VRK2: variants seen among roughly 807,000 people sequenced by gnomAD.
VRK2 encodes the protein VRK serine/threonine kinase 2.
In VRK2, 60 loss-of-function variants were observed where a neutral mutation model predicts 57.6. That is an observed-to-expected ratio of 1.04 (90% CI 0.85 to 1.29). VRK2 has a LOEUF of 1.29. Ranked by LOEUF, VRK2 falls within the 50% of genes most tolerant of loss-of-function variation. The pLI, the probability that VRK2 is intolerant of heterozygous loss-of-function variation, is 0.00. For missense variants in VRK2, 705 were observed against 588.1 expected (o/e 1.20, Z -2.06); for synonymous variants, 231 against 199.2 (o/e 1.16, Z -1.35).
intron 2 of VRK2, among the ~76,000 whole-genome samples, chr2:58,069,485 C>T (rs1206179257): frequency 6.6e-6 from 1 of 152,152 alleles, no homozygotes; most frequent in Non-Finnish European, 1.5e-5. Context: ...TTTAGGTTCT[C>T]TGACCAGAAA....
At chr2:58,035,708 T>C (rs1468517988) in intron 3 of VRK2, among the ~76,000 whole-genome samples, 1 of 152,078 alleles carries the variant, frequency 6.6e-6, no homozygotes, top group Non-Finnish European at 1.5e-5. Flanking sequence ...AGCCTTCTTC[T>C]ATATAATTTG....
intron 1 of VRK2, 100 bp downstream of exon 1, chr2:58,046,968 A>G: frequency 1.0e-6 from 1 of 985,342 alleles, no homozygotes; most frequent in Non-Finnish European, 1.2e-6. Context: ...TCGGAGTTAG[A>G]TGCCGGGGAC....
chr2:58,022,603 C>T (rs189638950), intron 1 of VRK2, among the ~76,000 whole-genome samples: 17 of 152,292 alleles, frequency 1.1e-4, no homozygotes, highest in African/African-American at 2.9e-4. Context: ...GTGCTGCCCA[C>T]GATGGCTCAC....
intron 1 of VRK2, among the ~76,000 whole-genome samples, chr2:58,019,766 GA>G (rs1224812406): frequency 6.6e-6 from 1 of 152,076 alleles, no homozygotes; most frequent in Non-Finnish European, 1.5e-5. Context: ...TCAGAGTAAA[GA>G]GTAAATAAAT....
At chr2:58,030,026 C>T (rs1242780065) in intron 2 of VRK2, among the ~76,000 whole-genome samples, 2 of 152,088 alleles carry the variant, frequency 1.3e-5, no homozygotes, top group South Asian at 4.1e-4. Context: ...CTCAGTTTAG[C>T]CTCAGAGTCA....
At chr2:58,111,127 G>T (rs112502090) in intron 7 of VRK2, among the ~76,000 whole-genome samples, 1,715 of 152,264 alleles carry the variant, frequency 0.011, 22 homozygotes, top group South Asian at 0.035. Context: ...AAAATTAGTT[G>T]TTTATTGGAG....
chr2:58,089,893 A>T (rs1254174671), intron 7 of VRK2, among the ~76,000 whole-genome samples, 170 bp downstream of exon 7: 1 of 152,190 alleles, frequency 6.6e-6, no homozygotes, highest in East Asian at 1.9e-4. Flanking sequence ...ACTAATGAGT[A>T]ATTAGGATGA....
intron 1 of VRK2, among the ~76,000 whole-genome samples, chr2:58,024,271 C>T (rs1572794731): frequency 1.3e-5 from 2 of 152,220 alleles, no homozygotes; most frequent in Non-Finnish European, 1.5e-5. Flanking sequence ...TTCTGTGAAT[C>T]GGCCTTAGGT....
At chr2:57,919,727 A>AG in intron 1 of VRK2, among the ~76,000 whole-genome samples, 1 of 152,224 alleles carries the variant, frequency 6.6e-6, no homozygotes, top group East Asian at 1.9e-4. Context: ...GCAGGCAGCT[A>AG]GGGGCTACAG....
At chr2:58,054,190 T>A (rs1468205043) in intron 2 of VRK2, among the ~76,000 whole-genome samples, 1 of 152,126 alleles carries the variant, frequency 6.6e-6, no homozygotes, top group East Asian at 1.9e-4. Flanking sequence ...ACTTGGCTTT[T>A]GCTTGGCTTT....
At chr2:57,985,802 G>A (rs2104065352) in intron 1 of VRK2, among the ~76,000 whole-genome samples, 1 of 152,020 alleles carries the variant, frequency 6.6e-6, no homozygotes, top group East Asian at 1.9e-4. Context: ...TTATCATGTA[G>A]AAAATCCTAA....
intron 1 of VRK2, among the ~76,000 whole-genome samples, chr2:57,915,918 G>A (rs990955520): frequency 2.0e-5 from 3 of 152,088 alleles, no homozygotes; most frequent in African/African-American, 4.8e-5. Flanking sequence ...GTGGGATCTA[G>A]GTTGCACGCT....
chr2:58,048,666 A>G, intron 1 of VRK2, 161 bp from the exon 2 acceptor site: 1 of 1,507,168 alleles, frequency 6.6e-7, no homozygotes, highest in Non-Finnish European at 8.9e-7. Context: ...TTCTAATTTG[A>G]ATATAATGTG....
At chr2:58,141,198 C>T (rs572023005) in intron 11 of VRK2, among the ~76,000 whole-genome samples, 28 of 151,898 alleles carry the variant, frequency 1.8e-4, no homozygotes, top group African/African-American at 7.2e-5. Flanking sequence ...GTAGTATTTT[C>T]GTTGCAATAA....
intron 1 of VRK2, among the ~76,000 whole-genome samples, chr2:58,021,606 T>C (rs575754997): frequency 6.8e-4 from 104 of 152,320 alleles, no homozygotes; most frequent in Non-Finnish European, 1.1e-3. Flanking sequence ...CCCTTCCATA[T>C]AGACATCTGT....
intron 2 of VRK2, among the ~76,000 whole-genome samples, chr2:58,075,991 G>A (rs1670046403): frequency 6.6e-6 from 1 of 151,658 alleles, no homozygotes; most frequent in Non-Finnish European, 1.5e-5. Flanking sequence ...AGATTGTTCA[G>A]TTTTTTTCTT....
intron 2 of VRK2, among the ~76,000 whole-genome samples, chr2:58,078,874 G>C (rs936749162): frequency 2.0e-5 from 3 of 152,010 alleles, no homozygotes; most frequent in Non-Finnish European, 4.4e-5. Flanking sequence ...GGGTAACTCT[G>C]TGTTGCCCAA....
At chr2:57,960,544 T>A (rs555092149) in intron 1 of VRK2, among the ~76,000 whole-genome samples, 2 of 152,226 alleles carry the variant, frequency 1.3e-5, no homozygotes, top group Non-Finnish European at 2.9e-5. Flanking sequence ...ACATTTTTAA[T>A]GTGTATCATT....
chr2:58,150,937 G>T (rs535885130), intron 12 of VRK2, among the ~76,000 whole-genome samples: 1 of 150,752 alleles, frequency 6.6e-6, no homozygotes, highest in African/African-American at 2.4e-5. Context: ...AGGTTTACTG[G>T]GTATCTTTTT....
Sources: allele counts gnomAD v4.1 joint callset (sites outside exome capture counted in the v4.1 genomes callset), GRCh38; gene constraint gnomAD v4.1.1; transcripts MANE v1.5; gene names NCBI Gene and HGNC (gene_info 2026-07-23, HGNC 2026-07-21).